Variants in NEK11 observed in about 807,000 individuals in gnomAD.
The protein encoded by NEK11 is serine/threonine-protein kinase Nek11.
In NEK11, 72 loss-of-function variants were observed where a neutral mutation model predicts 80.7. That is an observed-to-expected ratio of 0.89 (90% CI 0.74 to 1.08). The LOEUF (loss-of-function observed/expected upper bound fraction) is 1.08, where lower values mean the gene tolerates loss of function less well. Ranked by LOEUF, NEK11 falls within the 50% of genes least tolerant of loss-of-function variation. The pLI, the probability that NEK11 is intolerant of heterozygous loss-of-function variation, is 0.00. For missense variants in NEK11, 764 were observed against 763.6 expected (o/e 1.00, Z -0.01); for synonymous variants, 251 against 260.7 (o/e 0.96, Z 0.36).
At chr3:131,280,401 C>G (rs1315074980) in intron 17 of NEK11, among the ~76,000 whole-genome samples, 1 of 151,820 alleles carries the variant, frequency 6.6e-6, no homozygotes, top group African/African-American at 2.4e-5. Flanking sequence ...CCCTCTCTGT[C>G]TGTCATTTTG....
At chr3:131,119,059 G>A (rs770215383) in intron 5 of NEK11, among the ~76,000 whole-genome samples, 16 of 152,108 alleles carry the variant, frequency 1.1e-4, no homozygotes, top group Non-Finnish European at 2.1e-4. Flanking sequence ...TAATTGTGAT[G>A]TTAGGGTGTC....
intron 14 of NEK11, among the ~76,000 whole-genome samples, chr3:131,182,689 G>A (rs377622704): frequency 6.6e-6 from 1 of 152,136 alleles, no homozygotes; most frequent in African/African-American, 2.4e-5. Context: ...AGATTAGCTG[G>A]CAAAGTAAAT....
chr3:131,125,588 T>TA (rs904248645), intron 5 of NEK11, among the ~76,000 whole-genome samples: 1 of 151,924 alleles, frequency 6.6e-6, no homozygotes, highest in Non-Finnish European at 1.5e-5. Flanking sequence ...CTGATGTACT[T>TA]AAAAAAAACT....
chr3:131,182,329 ATAG>A (rs1377910259), intron 14 of NEK11, among the ~76,000 whole-genome samples: 2 of 152,204 alleles, frequency 1.3e-5, no homozygotes, highest in Non-Finnish European at 2.9e-5. Flanking sequence ...GCATTTCATA[ATAG>A]TGTGTATAAG....
chr3:131,292,620 A>T (rs2096555936), intron 17 of NEK11, among the ~76,000 whole-genome samples: 1 of 151,240 alleles, frequency 6.6e-6, no homozygotes, highest in African/African-American at 2.4e-5. Context: ...GGCTCAGGTG[A>T]TCCTTCTGCC....
At chr3:131,307,966 G>A (rs1261576389) in intron 17 of NEK11, among the ~76,000 whole-genome samples, 3 of 152,142 alleles carry the variant, frequency 2.0e-5, no homozygotes, top group African/African-American at 7.2e-5. Context: ...TTAAATGTTT[G>A]CTTCTCACTT....
At chr3:131,083,608 T>C (rs1224738164) in intron 4 of NEK11, among the ~76,000 whole-genome samples, 1 of 152,228 alleles carries the variant, frequency 6.6e-6, no homozygotes. Context: ...TTGCACCTCA[T>C]AGAAAAATGC....
chr3:131,148,850 A>T, intron 7 of NEK11, among the ~76,000 whole-genome samples: 1 of 151,900 alleles, frequency 6.6e-6, no homozygotes, highest in African/African-American at 2.4e-5. Flanking sequence ...TTCATTAAAA[A>T]TAAATTTTAT....
chr3:131,179,088 G>A (rs573210592), intron 14 of NEK11, among the ~76,000 whole-genome samples: 8 of 152,290 alleles, frequency 5.3e-5, no homozygotes, highest in African/African-American at 1.9e-4. Context: ...TTATCAAAGG[G>A]CTTGATGGAG....
At chr3:131,129,038 T>C (rs1248413074) in intron 5 of NEK11, among the ~76,000 whole-genome samples, 1 of 150,522 alleles carries the variant, frequency 6.6e-6, no homozygotes, top group Non-Finnish European at 1.5e-5. Context: ...TCTTTGTATA[T>C]TTTGGATAAC....
rs145406663 is a variant in NEK11, at chr3:131,326,823, A to G, written c.1719-22734A>G. On this transcript the variant is annotated intron_variant, in intron 17 of 17. Coordinates refer to ENST00000383366, the MANE Select transcript of NEK11 (RefSeq NM_024800.5). ...TGAATGTGACCCCTTCAAAATTCAT[A>G]TGGAAACTTAATCTTCATTGAGGTA... Among the ~76,000 whole-genome samples, 247 of 152,306 alleles carry G rather than the reference A, an allele frequency of 1.6e-3. 1 individual carries two copies. The highest frequency in any genetic ancestry group is 2.4e-3 in the Non-Finnish European group (162 of 68,020).
intron 2 of NEK11, among the ~76,000 whole-genome samples, chr3:131,028,799 C>T (rs978421315): frequency 6.6e-6 from 1 of 152,016 alleles, no homozygotes; most frequent in Non-Finnish European, 1.5e-5. Context: ...CGTGATCCGC[C>T]CGCCTTGGCC....
intron 5 of NEK11, among the ~76,000 whole-genome samples, chr3:131,130,890 C>G (rs987065605): frequency 5.3e-5 from 8 of 152,264 alleles, no homozygotes; most frequent in African/African-American, 1.9e-4. Flanking sequence ...CTACCTCTGT[C>G]TCCCGGGTTC....
chr3:131,115,902 T>TTTTCTTTCTTTCTTTC lies in NEK11; in HGVS notation c.455+6053_455+6068dup, dbSNP rs201604189. On this transcript the variant is annotated intron_variant, in intron 5 of 17. Transcript: ENST00000383366. ...CTAAAATGTTCCCTGAAAGGTAGTG[T>TTTTCTTTCTTTCTTTC]TTTCTTTCTTTCTTTCTTTCTTTCT... 2.4e-4 allele frequency among the ~76,000 whole-genome samples: 17 copies of TTTTCTTTCTTTCTTTC among 70,256 alleles called. 1 individual carries two copies. Among genetic ancestry groups the TTTTCTTTCTTTCTTTC allele is most frequent in the East Asian group, 4.4e-4 (1 of 2,278 alleles). The allele number at this position is 70,256 out of a possible 152,430, so 46.1% of individuals were successfully genotyped here.
At chr3:131,216,617 A>G (rs1449715740) in intron 14 of NEK11, among the ~76,000 whole-genome samples, 3 of 151,898 alleles carry the variant, frequency 2.0e-5, no homozygotes, top group Non-Finnish European at 4.4e-5. Context: ...GGTTCAAAAC[A>G]TTTCTGCAGC....
chr3:131,213,722 G>A (rs2094714060), intron 14 of NEK11, among the ~76,000 whole-genome samples: 1 of 152,138 alleles, frequency 6.6e-6, no homozygotes, highest in Non-Finnish European at 1.5e-5. Flanking sequence ...TGTCAGAAAT[G>A]CAGAATCTCA....
chr3:131,065,410 A>G (rs1229582164), intron 3 of NEK11, among the ~76,000 whole-genome samples: 2 of 152,176 alleles, frequency 1.3e-5, no homozygotes, highest in Non-Finnish European at 2.9e-5. Context: ...AGACCCCTCA[A>G]CATCTTAAAA....
chr3:131,232,643 A>G (rs1023575314), intron 15 of NEK11, among the ~76,000 whole-genome samples: 5 of 152,224 alleles, frequency 3.3e-5, no homozygotes, highest in African/African-American at 1.2e-4. Context: ...TAGGAAAAAC[A>G]ATTGATTTTC....
At chr3:131,222,503 C>T (rs774993116) in intron 14 of NEK11, among the ~76,000 whole-genome samples, 11 of 152,192 alleles carry the variant, frequency 7.2e-5, no homozygotes, top group Non-Finnish European at 1.2e-4. Flanking sequence ...AGTTGAATTA[C>T]TTATACCTCT....
Sources: gnomAD v4.1 joint callset for allele counts (sites outside exome capture counted in the v4.1 genomes callset) on GRCh38, gnomAD v4.1.1 for gene constraint, MANE v1.5 for transcripts, NCBI Gene and HGNC (gene_info 2026-07-23, HGNC 2026-07-21) for gene names.